The following SCIN variants were observed in gnomAD, a reference collection of about 807,000 sequenced individuals.
The protein encoded by SCIN is scinderin, also known as adseverin.
A neutral mutation model predicts 91.8 loss-of-function variants in SCIN; 91 were observed. The observed-to-expected ratio is 0.99, with a 90% CI of 0.84 to 1.18. SCIN has a LOEUF of 1.18. SCIN is among the 50% of genes most tolerant of loss of function. The probability of loss-of-function intolerance (pLI) is 0.00; values close to 1 mark genes in which losing one functional copy is unlikely to be tolerated. For synonymous variants in SCIN, 367 were observed against 312.6 expected, an observed-to-expected ratio of 1.17 and a Z score of -1.84; for missense variants, 1,087 against 863.9, an observed-to-expected ratio of 1.26 and a Z score of -3.24.
chr7:12,583,646 A>G (rs1478500173), intron 3 of SCIN, among the ~76,000 whole-genome samples: 1 of 152,082 alleles, frequency 6.6e-6, no homozygotes, highest in East Asian at 1.9e-4. Flanking sequence ...TCACTAAATC[A>G]TTTATTATTT....
intron 3 of SCIN, among the ~76,000 whole-genome samples, chr7:12,592,851 T>A (rs559114610): frequency 6.6e-6 from 1 of 152,148 alleles, no homozygotes; most frequent in African/African-American, 2.4e-5. Flanking sequence ...GGCCCCACTA[T>A]CAATTAAAAA....
intron 7 of SCIN, chr7:12,626,270 A>G (rs932955822): frequency 5.8e-6 from 2 of 347,438 alleles, no homozygotes; most frequent in East Asian, 5.9e-5. Flanking sequence ...TACTCTCCTC[A>G]TTTTTATGTC....
At chr7:12,597,291 G>T (rs1782863095) in intron 3 of SCIN, among the ~76,000 whole-genome samples, 1 of 152,274 alleles carries the variant, frequency 6.6e-6, no homozygotes, top group South Asian at 2.1e-4. Context: ...CTATATTTGG[G>T]TAACTAGATC....
intron 3 of SCIN, among the ~76,000 whole-genome samples, chr7:12,583,593 G>C (rs1268782570): frequency 6.6e-6 from 1 of 152,154 alleles, no homozygotes; most frequent in East Asian, 1.9e-4. Flanking sequence ...ATTCAGAACT[G>C]ATGATGCTTA....
chr7:12,631,717 C>G (rs1177995464), intron 9 of SCIN, among the ~76,000 whole-genome samples: 1 of 152,108 alleles, frequency 6.6e-6, no homozygotes, highest in Non-Finnish European at 1.5e-5. Flanking sequence ...CTTTGGACTT[C>G]TCACCCTCCA....
intron 4 of SCIN, among the ~76,000 whole-genome samples, chr7:12,618,025 C>G (rs1465243567): frequency 2.6e-5 from 4 of 152,040 alleles, no homozygotes; most frequent in African/African-American, 9.7e-5. Flanking sequence ...TTTGACCCTT[C>G]AACATCTATC....
intron 14 of SCIN, among the ~76,000 whole-genome samples, chr7:12,649,816 C>A (rs1472977353): frequency 3.3e-5 from 5 of 152,098 alleles, no homozygotes; most frequent in African/African-American, 1.2e-4. Flanking sequence ...GTTACTCATT[C>A]CTAATTTGTT....
chr7:12,643,095 A>G lies in SCIN; in HGVS notation c.1582-1043A>G, dbSNP rs560180631. On this transcript the variant is annotated intron_variant, in intron 11 of 15. Coordinates refer to ENST00000297029, the MANE Select transcript of SCIN (RefSeq NM_001112706.3). ...GTCAACCAAAATGCACCATTGTTAC[A>G]TTCTGATCTCTTCCCCAGTGGACAT... is the stretch of plus-strand genomic sequence containing the variant. 4.9e-4 allele frequency among the ~76,000 whole-genome samples: 75 copies of G among 152,304 alleles called. No homozygotes were observed. In the South Asian group the frequency reaches 0.014, roughly 29 times the overall value.
At position 12,620,433 on chromosome 7, in the gene SCIN, A is replaced by G. The variant is rs574933173; in HGVS notation, c.667-2368A>G. Among the ~76,000 whole-genome samples, 12 of 152,200 alleles carry G rather than the reference A, an allele frequency of 7.9e-5. No individual in the cohort carries two copies. In the East Asian group the frequency reaches 1.9e-3, roughly 25 times the overall value. On this transcript the variant is annotated intron_variant, in intron 4 of 15. Transcript: ENST00000297029. ...TGGATATTTTGGATTCCACATATTA[A>G]TGAGATCATGCATTGTTTATCTTTT... is the stretch of plus-strand genomic sequence containing the variant.
At chr7:12,592,484 A>G (rs953038310) in intron 3 of SCIN, among the ~76,000 whole-genome samples, 4 of 151,942 alleles carry the variant, frequency 2.6e-5, no homozygotes, top group Non-Finnish European at 5.9e-5. Context: ...AGAGTCTTTT[A>G]ACTGGATTCT....
chr7:12,615,717 G>A (rs1343512631), intron 4 of SCIN, among the ~76,000 whole-genome samples: 2 of 151,802 alleles, frequency 1.3e-5, no homozygotes, highest in Non-Finnish European at 2.9e-5. Flanking sequence ...TTTTTGGAAA[G>A]AATATACATT....
Position 12,657,211 on chromosome 7 carries a change from A to ATTTTTTTTTTTTTTTTTTTTTTTTTTTTT in SCIN, c.*4521_*4522insTTTTTTTTTTTTTTTTTTTTTTTTTTTTT, listed in dbSNP as rs57131728. 1.2e-5 allele frequency: 1 copy of ATTTTTTTTTTTTTTTTTTTTTTTTTTTTT among 82,544 alleles called. No individual in the cohort carries two copies. The highest frequency in any genetic ancestry group is 2.3e-5 in the Non-Finnish European group (1 of 43,592). The allele number at this position is 82,544 out of a possible 1,614,324, so 5.1% of individuals were successfully genotyped here. ...TGTGTGTACTAAAGGATATAATATG[A>ATTTTTTTTTTTTTTTTTTTTTTTTTTTTT]TTTTTTTTTTTTTTTTTTTTTTTTT... is the stretch of plus-strand genomic sequence containing the variant. On this transcript the variant is annotated 3_prime_UTR_variant, in exon 16 of 16. Transcript: ENST00000297029.
rs746672874 is a variant in SCIN, at chr7:12,640,521, A to G, written c.1581+4A>G. ...ATCTATCACCAGAATTGTGGAGGTA[A>G]TGTCATGCATTCCATAAAACATGCC... On this transcript the variant is annotated splice_donor_region_variant and intron_variant, in intron 11 of 15. Transcript: ENST00000297029. 18 of 1,602,974 alleles carry G rather than the reference A, an allele frequency of 1.1e-5. No homozygotes were observed. Among genetic ancestry groups the G allele is most frequent in the Non-Finnish European group, 1.4e-5 (17 of 1,175,210 alleles).
In SCIN at chr7:12,644,147, G is replaced by A. The variant is rs149261452; in HGVS notation, c.1591G>A (p.Asp531Asn). ...TTTCTTCATATTCCAGGTTGATGTT[G>A]ATGCAAATTCACTGAATTCTAACGA... ...SITRIVEVDV[D>N]ANSLNSNDVF... The change falls in exon 12 of 16, where the codon GAT (aspartate) becomes AAT (asparagine). Residue 531 changes from aspartate (D) to asparagine (N), a missense_variant. By Grantham distance (23) the Asp-to-Asn change is conservative. Transcript: ENST00000297029. 5.8e-5 allele frequency: 94 copies of A among 1,611,982 alleles called. No individual in the cohort carries two copies. The highest frequency in any genetic ancestry group is 7.6e-5 in the Non-Finnish European group (90 of 1,178,828).
chr7:12,602,071 A>G (rs555859756), intron 3 of SCIN, among the ~76,000 whole-genome samples: 45 of 152,260 alleles, frequency 3.0e-4, no homozygotes, highest in African/African-American at 4.1e-4. Context: ...CCCGCTCCCA[A>G]TGTTTCAACA....
At position 12,570,756 on chromosome 7, in the gene SCIN, C is replaced by A. The variant is rs1414922888; in HGVS notation, c.-31C>A. The A allele has an allele frequency of 5.2e-6, 8 of 1,544,024 alleles. No individual in the cohort carries two copies. The East Asian group carries it at 1.5e-4, about 28-fold the overall frequency. On this transcript the variant is annotated 5_prime_UTR_variant, in exon 1 of 16. Transcript: ENST00000297029. ...GTTTAGTCCAAGATCAGCGATATCA[C>A]GCGTCCCCCGGAGCATCGCGTGCAG...
rs1219276877 is a variant in SCIN, at chr7:12,652,875, A to G, written c.*160A>G. The G allele has an allele frequency of 9.4e-5, 76 of 804,840 alleles. No homozygotes were observed. The highest frequency in any genetic ancestry group is 1.3e-4 in the Non-Finnish European group (71 of 529,220). The allele number at this position is 804,840 out of a possible 1,614,324, so 49.9% of individuals were successfully genotyped here. A position where few individuals can be genotyped will look rare whatever the true frequency, so the allele number is the denominator to read the frequency against. ...TCCCAGCACTTTGAGAGGATGAGGT[A>G]GGCGGATCACTGGGGTCAGGATTTC... On this transcript the variant is annotated 3_prime_UTR_variant, in exon 16 of 16. Coordinates refer to ENST00000297029, the MANE Select transcript of SCIN (RefSeq NM_001112706.3).
intron 3 of SCIN, among the ~76,000 whole-genome samples, chr7:12,582,149 T>C (rs892857781): frequency 1.3e-5 from 2 of 152,228 alleles, no homozygotes; most frequent in Non-Finnish European, 2.9e-5. Flanking sequence ...TGGAATTTGC[T>C]CAAGGTTGCA....
chr7:12,596,495 G>A (rs1583288001), intron 3 of SCIN: 1 of 455,744 alleles, frequency 2.2e-6, no homozygotes. Flanking sequence ...GAGAGGCAAT[G>A]TGATCATTGC....
Sources: allele counts gnomAD v4.1 joint callset (sites outside exome capture counted in the v4.1 genomes callset), GRCh38; gene constraint gnomAD v4.1.1; transcripts MANE v1.5; gene names NCBI Gene and HGNC (gene_info 2026-07-23, HGNC 2026-07-21).